CDH9: variants seen among roughly 807,000 people sequenced by gnomAD.
The protein encoded by CDH9 is cadherin-9.
CDH9 carries 28 observed loss-of-function variants against 70.9 expected under a neutral mutation model. The ratio of observed to expected loss-of-function variants is 0.40; its 90% CI spans 0.29 to 0.54. The LOEUF (loss-of-function observed/expected upper bound fraction) is 0.54, where lower values mean the gene tolerates loss of function less well. Ranked by LOEUF, CDH9 falls within the 20% of genes least tolerant of loss-of-function variation. The probability of loss-of-function intolerance (pLI) is 0.59; values close to 1 mark genes in which losing one functional copy is unlikely to be tolerated. For missense variants in CDH9, 874 were observed against 984.4 expected (o/e 0.89, Z 1.50); for synonymous variants, 409 against 343.1 (o/e 1.19, Z -2.12).
intron 2 of CDH9, among the ~76,000 whole-genome samples, chr5:26,977,485 G>GTGTATATATA (rs1491302863): frequency 5.8e-5 from 4 of 68,832 alleles, no homozygotes; most frequent in African/African-American, 3.9e-4. Flanking sequence ...GTGTGTGTGT[G>GTGTATATATA]TATATATATA....
intron 1 of CDH9, among the ~76,000 whole-genome samples, chr5:27,006,042 G>A (rs1742859473): frequency 6.6e-6 from 1 of 151,978 alleles, no homozygotes; most frequent in Admixed American, 6.6e-5. Context: ...GAAGGAGGGA[G>A]TGGAGTAGAA....
chr5:26,903,378 C>G, intron 6 of CDH9: 1 of 564,518 alleles, frequency 1.8e-6, no homozygotes, highest in South Asian at 1.8e-5. Flanking sequence ...TGGAGAAATA[C>G]AAAACAAGTA....
intron 7 of CDH9, among the ~76,000 whole-genome samples, chr5:26,899,679 G>A (rs1172187933): frequency 3.3e-5 from 5 of 151,876 alleles, no homozygotes; most frequent in Non-Finnish European, 7.4e-5. Flanking sequence ...GAGAACCCAT[G>A]GACACAGGGA....
At chr5:26,987,966 A>G (rs944518008) in intron 2 of CDH9, 140 bp downstream of exon 2, 3 of 632,936 alleles carry the variant, frequency 4.7e-6, no homozygotes, top group African/African-American at 3.7e-5. Flanking sequence ...CTTCCCCACT[A>G]AAATAGTTTG....
intron 1 of CDH9, among the ~76,000 whole-genome samples, chr5:27,004,410 C>A (rs1742824073): frequency 6.6e-6 from 1 of 152,076 alleles, no homozygotes; most frequent in Non-Finnish European, 1.5e-5. Context: ...ATTTAATCTT[C>A]ATGATATCTA....
chr5:26,934,989 A>T (rs1271982856), intron 2 of CDH9, among the ~76,000 whole-genome samples: 1 of 152,088 alleles, frequency 6.6e-6, no homozygotes, highest in Non-Finnish European at 1.5e-5. Flanking sequence ...AAAATTATCA[A>T]AATAAATTAT....
At chr5:26,952,896 T>C (rs1741876660) in intron 2 of CDH9, among the ~76,000 whole-genome samples, 1 of 59,168 alleles carries the variant, frequency 1.7e-5, no homozygotes, top group Admixed American at 2.5e-4. Flanking sequence ...AAAATGTTTC[T>C]ATTCCAAAAA....
intron 1 of CDH9, among the ~76,000 whole-genome samples, chr5:27,034,200 TTAC>T (rs1239809968): frequency 2.6e-5 from 4 of 151,722 alleles, no homozygotes; most frequent in Non-Finnish European, 5.9e-5. Context: ...TAATTATTAG[TTAC>T]TACTATTTCC....
Position 26,935,679 on chromosome 5 carries a change from T to A in CDH9, c.229-19755A>T, listed in dbSNP as rs1741546110. 2.0e-5 allele frequency among the ~76,000 whole-genome samples: 3 copies of A among 152,158 alleles called. No homozygotes were observed. In the South Asian group the frequency reaches 6.2e-4, roughly 31 times the overall value. On this transcript the variant is annotated intron_variant, in intron 2 of 11. Coordinates refer to ENST00000231021, the MANE Select transcript of CDH9 (RefSeq NM_016279.4). ...AGGGAATGTAAACCAGTACAACCAC[T>A]ATGGAAAACAGTATGAAGATCCCTT...
intron 1 of CDH9, among the ~76,000 whole-genome samples, chr5:27,003,297 C>A (rs1402944480): frequency 6.6e-6 from 1 of 152,026 alleles, no homozygotes; most frequent in African/African-American, 2.4e-5. Flanking sequence ...GATAATTGGG[C>A]AAGGAGATAA....
intron 2 of CDH9, among the ~76,000 whole-genome samples, chr5:26,929,000 A>T (rs749347846): frequency 1.3e-5 from 2 of 152,106 alleles, no homozygotes; most frequent in Non-Finnish European, 2.9e-5. Flanking sequence ...ATGGGACTAT[A>T]TCAAGTTAAA....
At position 27,003,168 on chromosome 5, in the gene CDH9, A is replaced by G. The variant is rs185526753; in HGVS notation, c.-49-14786T>C. Among the ~76,000 whole-genome samples, 159 of 152,258 alleles carry G rather than the reference A, an allele frequency of 1.0e-3. 1 individual carries two copies. The highest frequency in any genetic ancestry group is 3.7e-3 in the African/African-American group (152 of 41,576). On this transcript the variant is annotated intron_variant, in intron 1 of 11. Transcript: ENST00000231021. ...CCAATGGGAATTTCATTTGAGCATC[A>G]GGTTGGCACTCAAACAGTTTTGAAT...
At chr5:26,933,722 G>T (rs1249250217) in intron 2 of CDH9, among the ~76,000 whole-genome samples, 4 of 151,944 alleles carry the variant, frequency 2.6e-5, no homozygotes, top group Non-Finnish European at 5.9e-5. Flanking sequence ...GGAGGTTGCA[G>T]TGAGCTGAGA....
In CDH9 at chr5:26,915,689, T is replaced by C. The variant is rs1741135893; in HGVS notation, c.464A>G (p.Asn155Ser). The change falls in exon 3 of 12, where the codon AAT (asparagine) becomes AGT (serine). Residue 155 changes from asparagine to serine, a missense_variant. Coordinates refer to ENST00000231021, the MANE Select transcript of CDH9 (RefSeq NM_016279.4). ...FIIKIHDINDNEPKFTKDLYT... is the reference protein window; with the variant it reads ...FIIKIHDINDSEPKFTKDLYT... ...TAAGTCTTTTGTAAATTTTGGCTCATTGTCATTGATATCATGTATTTTAAT... is the reference window on the plus strand; with the variant it reads ...TAAGTCTTTTGTAAATTTTGGCTCACTGTCATTGATATCATGTATTTTAAT... The C allele has an allele frequency of 1.2e-6, 2 of 1,611,346 alleles. No individual in the cohort carries two copies. Among genetic ancestry groups the C allele is most frequent in the Non-Finnish European group, 1.7e-6 (2 of 1,177,640 alleles).
chr5:26,902,157 A>G (rs911440392), intron 7 of CDH9, among the ~76,000 whole-genome samples: 1 of 151,958 alleles, frequency 6.6e-6, no homozygotes, highest in African/African-American at 2.4e-5. Flanking sequence ...CTTTGCTAAT[A>G]AACAATGGGC....
Position 27,024,029 on chromosome 5 carries a change from G to A in CDH9, c.-50+14434C>T, listed in dbSNP as rs566393620. 3.3e-5 allele frequency among the ~76,000 whole-genome samples: 5 copies of A among 151,872 alleles called. No homozygotes were observed. In the South Asian group the frequency reaches 8.3e-4, roughly 25 times the overall value. ...ATTATGCCACTACATTCCAGCCTGG[G>A]TGACAAAGCTAGACTCTGTCTCAAA... On this transcript the variant is annotated intron_variant, in intron 1 of 11. Coordinates refer to ENST00000231021, the MANE Select transcript of CDH9 (RefSeq NM_016279.4).
chr5:26,955,251 A>T (rs891667412), intron 2 of CDH9, among the ~76,000 whole-genome samples: 1 of 152,198 alleles, frequency 6.6e-6, no homozygotes, highest in African/African-American at 2.4e-5. Context: ...AAATGTAGCA[A>T]TCATGAGAAT....
chr5:27,026,661 T>G (rs1743226071), intron 1 of CDH9, among the ~76,000 whole-genome samples: 1 of 151,990 alleles, frequency 6.6e-6, no homozygotes, highest in African/African-American at 2.4e-5. Context: ...ATAGTAAAGT[T>G]TGAACAAACA....
At chr5:27,035,692 GT>G (rs1743380199) in intron 1 of CDH9, among the ~76,000 whole-genome samples, 2 of 144,026 alleles carry the variant, frequency 1.4e-5, no homozygotes, top group African/African-American at 5.8e-5. Context: ...GTGTGTGTGT[GT>G]GTGTGTGTGT....
Sources: gnomAD v4.1 joint callset for allele counts (sites outside exome capture counted in the v4.1 genomes callset) on GRCh38, gnomAD v4.1.1 for gene constraint, MANE v1.5 for transcripts, NCBI Gene and HGNC (gene_info 2026-07-23, HGNC 2026-07-21) for gene names.